Variants in CEP170 observed in about 807,000 individuals in gnomAD.
The protein encoded by CEP170 is centrosomal protein 170, also known as centrosomal protein of 170 kDa.
A neutral mutation model predicts 151.9 loss-of-function variants in CEP170; 21 were observed. The ratio of observed to expected loss-of-function variants is 0.14; its 90% CI spans 0.10 to 0.20. CEP170 has a LOEUF of 0.20. CEP170 is among the 10% of genes least tolerant of loss of function. The pLI is 1.00. For synonymous variants in CEP170, 356 were observed against 648.8 expected, an observed-to-expected ratio of 0.55 and a Z score of 6.86; for missense variants, 964 against 1,892.9, an observed-to-expected ratio of 0.51 and a Z score of 9.11.
At chr1:243,169,882 A>G in intron 11 of CEP170, 128 bp from the exon 12 acceptor site, 2 of 1,077,416 alleles carry the variant, frequency 1.9e-6, no homozygotes, top group Non-Finnish European at 2.6e-6. Flanking sequence ...TTGCTATATT[A>G]TCATTGATTA....
At chr1:243,198,894 T>A (rs1434172947) in intron 7 of CEP170, among the ~76,000 whole-genome samples, 166 bp downstream of exon 7, 1 of 151,174 alleles carries the variant, frequency 6.6e-6, no homozygotes, top group African/African-American at 2.4e-5. Context: ...CACATAATTT[T>A]AAATTTTACA....
At chr1:243,163,757 A>G (rs2058244832) in intron 13 of CEP170, among the ~76,000 whole-genome samples, 4 of 152,226 alleles carry the variant, frequency 2.6e-5, no homozygotes, top group Admixed American at 2.6e-4. Context: ...TAGGTAAAGT[A>G]TGTGAGACAT....
At chr1:243,158,513 G>A (rs1047561162) in intron 13 of CEP170, among the ~76,000 whole-genome samples, 2 of 152,112 alleles carry the variant, frequency 1.3e-5, no homozygotes, top group African/African-American at 4.8e-5. Flanking sequence ...GATACATTTC[G>A]TGGCAGACTA....
intron 1 of CEP170, among the ~76,000 whole-genome samples, chr1:243,234,107 G>C (rs2064035956): frequency 6.6e-6 from 1 of 152,138 alleles, no homozygotes; most frequent in Non-Finnish European, 1.5e-5. Context: ...GCTTTATAAA[G>C]ATTAAACCTC....
chr1:243,170,977 C>T (rs2058801077), intron 11 of CEP170, among the ~76,000 whole-genome samples: 1 of 152,210 alleles, frequency 6.6e-6, no homozygotes, highest in South Asian at 2.1e-4. Context: ...ATGAGCGTCA[C>T]TGACACACGC....
intron 1 of CEP170, among the ~76,000 whole-genome samples, chr1:243,240,696 A>G (rs2064747732): frequency 6.9e-6 from 1 of 144,558 alleles, no homozygotes; most frequent in East Asian, 2.0e-4. Context: ...GCACTTATTT[A>G]TTCATTTATT....
intron 14 of CEP170, among the ~76,000 whole-genome samples, chr1:243,153,770 T>C (rs189685217): frequency 6.6e-5 from 10 of 152,326 alleles, no homozygotes; most frequent in South Asian, 2.1e-4. Flanking sequence ...TGCCTTACTA[T>C]AGCGGTCTGA....
At chr1:243,247,988 C>T (rs1419516279) in intron 1 of CEP170, among the ~76,000 whole-genome samples, 1 of 152,172 alleles carries the variant, frequency 6.6e-6, no homozygotes, top group African/African-American at 2.4e-5. Flanking sequence ...GAAACAGCAT[C>T]GCTTCTCCTG....
At chr1:243,221,086 GCT>G (rs2062765094) in intron 3 of CEP170, among the ~76,000 whole-genome samples, 2 of 151,950 alleles carry the variant, frequency 1.3e-5, no homozygotes, top group Non-Finnish European at 2.9e-5. Flanking sequence ...GTGCAGTGGC[GCT>G]GTCTCGGCTC....
At chr1:243,142,792 T>A (rs1427866227) in intron 14 of CEP170, among the ~76,000 whole-genome samples, 1 of 152,184 alleles carries the variant, frequency 6.6e-6, no homozygotes, top group Non-Finnish European at 1.5e-5. Flanking sequence ...ATGGATAGAA[T>A]TCAAGCAGTT....
rs548626439 is a variant in CEP170 at position 243,184,743 on chromosome 1, C to T, written c.1566+1036G>A. Reference sequence around the variant, plus strand: ...TCCCAAAGGGTTATCTTATCTTGCCCTCCTCCCTGAAGAGGCCATTCCAGA... The same window carrying T: ...TCCCAAAGGGTTATCTTATCTTGCCTTCCTCCCTGAAGAGGCCATTCCAGA... On this transcript the variant is annotated intron_variant, in intron 10 of 19. Coordinates refer to ENST00000366542, the MANE Select transcript of CEP170 (RefSeq NM_014812.3). 3.3e-5 allele frequency among the ~76,000 whole-genome samples: 5 copies of T among 151,930 alleles called. No homozygotes were observed. The East Asian group carries it at 9.7e-4, about 29-fold the overall frequency.
intron 17 of CEP170, among the ~76,000 whole-genome samples, chr1:243,129,842 A>G (rs1432157348): frequency 1.3e-5 from 2 of 152,044 alleles, no homozygotes; most frequent in African/African-American, 4.8e-5. Flanking sequence ...TAACTATTAC[A>G]GTATTTTGGG....
At chr1:243,157,913 G>A (rs1276797655) in intron 13 of CEP170, among the ~76,000 whole-genome samples, 1 of 152,184 alleles carries the variant, frequency 6.6e-6, no homozygotes, top group Non-Finnish European at 1.5e-5. Context: ...ATGACAGAAT[G>A]AACATATGCA....
At chr1:243,145,494 C>T (rs1482980945) in intron 14 of CEP170, among the ~76,000 whole-genome samples, 3 of 152,224 alleles carry the variant, frequency 2.0e-5, no homozygotes, top group South Asian at 2.1e-4. Flanking sequence ...AGGATGGTCT[C>T]GATCTCTTGA....
chr1:243,210,608 A>ATTTTTTTTTTTTTTTTT (rs751388751), intron 4 of CEP170, among the ~76,000 whole-genome samples: 30 of 67,958 alleles, frequency 4.4e-4, no homozygotes, highest in East Asian at 1.0e-3. Context: ...ATTTTTCGTA[A>ATTTTTTTTTTTTTTTTT]TTTTTTTTTT....
chr1:243,244,200 G>C (rs1471394530), intron 1 of CEP170, among the ~76,000 whole-genome samples: 2 of 152,152 alleles, frequency 1.3e-5, no homozygotes, highest in African/African-American at 4.8e-5. Context: ...CTAGGTATGT[G>C]ATAAAACTGC....
intron 14 of CEP170, 116 bp from the exon 15 acceptor site, chr1:243,142,579 C>T (rs2055975584): frequency 7.7e-6 from 5 of 648,904 alleles, no homozygotes; most frequent in Middle Eastern, 7.1e-4. Context: ...ATTTGTACCC[C>T]AAATTAACTA....
rs534994616 is a variant in CEP170, at chr1:243,184,103, C to T, written c.1566+1676G>A. 7.2e-3 allele frequency among the ~76,000 whole-genome samples: 1,097 copies of T among 152,088 alleles called. 10 individuals carry two copies. The highest frequency in any genetic ancestry group is 0.025 in the African/African-American group (1,025 of 41,478). On this transcript the variant is annotated intron_variant, in intron 10 of 19. Coordinates refer to ENST00000366542, the MANE Select transcript of CEP170 (RefSeq NM_014812.3). ...TTATGTAGAGATTCAAATGTGGAAA[C>T]TCCTAATAACAGTAATGATAAAGCA...
At chr1:243,159,299 GAC>G (rs1240319174) in intron 13 of CEP170, among the ~76,000 whole-genome samples, 1 of 152,026 alleles carries the variant, frequency 6.6e-6, no homozygotes, top group African/African-American at 2.4e-5. Context: ...GTTAACTCTG[GAC>G]ACAGTCTGCG....
Sources: gnomAD v4.1 joint callset for allele counts (sites outside exome capture counted in the v4.1 genomes callset) on GRCh38, gnomAD v4.1.1 for gene constraint, MANE v1.5 for transcripts, NCBI Gene and HGNC (gene_info 2026-07-23, HGNC 2026-07-21) for gene names.